The following FAT3 variants were observed in gnomAD, a reference collection of about 807,000 sequenced individuals.
FAT3 encodes the protein FAT atypical cadherin 3.
A neutral mutation model predicts 310.2 loss-of-function variants in FAT3; 95 were observed. The ratio of observed to expected loss-of-function variants is 0.31; its 90% CI spans 0.26 to 0.36. FAT3 has a LOEUF of 0.36. Ranked by LOEUF, FAT3 falls within the 10% of genes least tolerant of loss-of-function variation. FAT3 has a pLI of 1.00. For synonymous variants in FAT3, 2,314 were observed against 2,192.9 expected (o/e 1.06, Z -1.54); for missense variants, 5,408 against 5,715.6 (o/e 0.95, Z 1.74).
chr11:92,526,403 T>C (rs1383243611), intron 3 of FAT3, among the ~76,000 whole-genome samples: 2 of 152,164 alleles, frequency 1.3e-5, no homozygotes, highest in East Asian at 3.9e-4. Context: ...TCTTCACATT[T>C]CACAACCCAG....
rs570204824 is a variant in FAT3 at position 92,244,108 on chromosome 11, T to C, written c.-18+18934T>C. Among the ~76,000 whole-genome samples the C allele has an allele frequency of 1.3e-5, 2 of 152,190 alleles. 1 individual carries two copies. The highest frequency in any genetic ancestry group is 4.1e-4 in the South Asian group (2 of 4,828). ...GGGTATTTAGAAGAGAACTTTGAAG[T>C]AGCTTAACTCACAAAGACCGTGCAG... On this transcript the variant is annotated intron_variant, in intron 1 of 27. Coordinates refer to ENST00000525166, the MANE Select transcript of FAT3 (RefSeq NM_001367949.2).
Position 92,243,911 on chromosome 11 carries a change from T to A in FAT3, c.-18+18737T>A, listed in dbSNP as rs1452885682. Among the ~76,000 whole-genome samples the A allele has an allele frequency of 5.9e-5, 9 of 152,242 alleles. No individual in the cohort carries two copies. The East Asian group carries it at 1.7e-3, about 29-fold the overall frequency. ...GTTATTACTCTTTGCATATAACAAT[T>A]GATAAAGATCAAAATTTAAGGAAAA... On this transcript the variant is annotated intron_variant, in intron 1 of 27. Transcript: ENST00000525166.
At chr11:92,752,719 G>A (rs1001624469) in intron 4 of FAT3, among the ~76,000 whole-genome samples, 2 of 152,186 alleles carry the variant, frequency 1.3e-5, no homozygotes, top group African/African-American at 4.8e-5. Flanking sequence ...ATATCACAGT[G>A]CTGTGTGACA....
intron 1 of FAT3, among the ~76,000 whole-genome samples, chr11:92,284,303 G>A (rs147923915): frequency 3.3e-5 from 5 of 151,972 alleles, no homozygotes; most frequent in Admixed American, 2.0e-4. Context: ...GAGTGTTTCC[G>A]TTTGGGTAGA....
At chr11:92,667,630 G>A (rs1220324448) in intron 3 of FAT3, among the ~76,000 whole-genome samples, 1 of 152,118 alleles carries the variant, frequency 6.6e-6, no homozygotes, top group Non-Finnish European at 1.5e-5. Context: ...CACACAAGCC[G>A]CCCAAAGAAT....
At chr11:92,366,742 T>A in intron 2 of FAT3, 1 of 535,364 alleles carries the variant, frequency 1.9e-6, no homozygotes, top group Non-Finnish European at 3.8e-6. Context: ...GGGGAGCTAT[T>A]TCTTCATTCC....
intron 3 of FAT3, among the ~76,000 whole-genome samples, chr11:92,529,906 G>T (rs750187086): frequency 2.0e-5 from 3 of 152,188 alleles, no homozygotes; most frequent in African/African-American, 4.8e-5. Flanking sequence ...ATAAACCTGA[G>T]TAAAACATAG....
intron 4 of FAT3, among the ~76,000 whole-genome samples, chr11:92,697,688 G>A (rs973771882): frequency 1.4e-4 from 21 of 152,288 alleles, no homozygotes; most frequent in African/African-American, 4.8e-4. Flanking sequence ...GTGTATCACC[G>A]TCTCTGCCTT....
chr11:92,791,484 T>C (rs1478832303), intron 8 of FAT3, among the ~76,000 whole-genome samples: 1 of 152,198 alleles, frequency 6.6e-6, no homozygotes, highest in Non-Finnish European at 1.5e-5. Context: ...ATTCTCATGA[T>C]TCTTTAAGTC....
chr11:92,568,531 A>G (rs1049535668), intron 3 of FAT3, among the ~76,000 whole-genome samples: 2 of 152,182 alleles, frequency 1.3e-5, no homozygotes, highest in African/African-American at 4.8e-5. Context: ...ACCCTAGTAC[A>G]CAAAACTGTA....
chr11:92,883,502 G>C lies in FAT3; in HGVS notation c.12937+109G>C. The C allele has an allele frequency of 5.9e-6, 8 of 1,364,230 alleles. No individual in the cohort carries two copies. The highest frequency in any genetic ancestry group is 7.9e-6 in the Non-Finnish European group (8 of 1,014,974). 84.5% of individuals were successfully genotyped at this position (1,364,230 alleles called of 1,614,324 possible). A position where few individuals can be genotyped will look rare whatever the true frequency, so the allele number is the denominator to read the frequency against. On this transcript the variant is annotated intron_variant, in intron 24 of 27. Transcript: ENST00000525166. This position sits in a 1 kb window ranked among gnomAD's most constrained non-coding sequence, Gnocchi z 4.2. ...GAGAGACCCCGCATGCAGAGCATTC[G>C]CTATGACATGTGCTGATGTCGAATG...
chr11:92,248,682 G>C (rs967951666), intron 1 of FAT3, among the ~76,000 whole-genome samples: 7 of 152,048 alleles, frequency 4.6e-5, no homozygotes, highest in Non-Finnish European at 8.8e-5. Context: ...AAAAGAGAAA[G>C]AAGCAATTGA....
chr11:92,448,168 TAA>T (rs1413357142), intron 2 of FAT3, among the ~76,000 whole-genome samples: 1 of 152,138 alleles, frequency 6.6e-6, no homozygotes, highest in Non-Finnish European at 1.5e-5. Flanking sequence ...GAAGATTGAG[TAA>T]ATTAATTTAT....
intron 1 of FAT3, among the ~76,000 whole-genome samples, chr11:92,321,570 A>T (rs139934910): frequency 6.6e-6 from 1 of 152,302 alleles, no homozygotes; most frequent in East Asian, 1.9e-4. Flanking sequence ...CTGAAAACAG[A>T]TCACTTTCCT....
At chr11:92,834,848 AG>A (rs549617775) in intron 14 of FAT3, 21 bp from the exon 15 acceptor site, 29 of 1,564,424 alleles carry the variant, frequency 1.9e-5, no homozygotes, top group African/African-American at 2.7e-5. Flanking sequence ...TGAAATATAA[AG>A]CTCCCCATTT....
intron 6 of FAT3, among the ~76,000 whole-genome samples, chr11:92,765,888 G>T (rs1027414075): frequency 6.6e-6 from 1 of 151,942 alleles, no homozygotes; most frequent in Admixed American, 6.6e-5. Flanking sequence ...ATTTAACTGG[G>T]CCTTTTCCAA....
intron 13 of FAT3, among the ~76,000 whole-genome samples, chr11:92,831,230 G>A (rs1362467736): frequency 6.6e-6 from 1 of 152,134 alleles, no homozygotes; most frequent in African/African-American, 2.4e-5. Flanking sequence ...AAAGTGCCTG[G>A]TAGATTCTAA....
At chr11:92,856,022 C>A (rs916461164) in intron 19 of FAT3, among the ~76,000 whole-genome samples, 9 of 147,476 alleles carry the variant, frequency 6.1e-5, no homozygotes, top group African/African-American at 7.5e-5. Flanking sequence ...GTTCTGTTGC[C>A]CAGGCTAGTG....
At chr11:92,458,730 A>G (rs1464145851) in intron 2 of FAT3, among the ~76,000 whole-genome samples, 1 of 152,172 alleles carries the variant, frequency 6.6e-6, no homozygotes. Context: ...AGCCTGTAAT[A>G]TACTATAGAG....
Sources: gnomAD v4.1 joint callset for allele counts (sites outside exome capture counted in the v4.1 genomes callset) on GRCh38, gnomAD v4.1.1 for gene constraint, Gnocchi (gnomAD v3.1) non-coding constraint, MANE v1.5 for transcripts, NCBI Gene and HGNC (gene_info 2026-07-23, HGNC 2026-07-21) for gene names.